The following PRKN variants were observed in gnomAD, a reference collection of about 807,000 sequenced individuals.
PRKN encodes the protein E3 ubiquitin-protein ligase parkin.
Under a neutral mutation model 59.5 loss-of-function variants are expected in PRKN, and 56 were observed. That is an observed-to-expected ratio of 0.94 (90% CI 0.76 to 1.18). The LOEUF (loss-of-function observed/expected upper bound fraction) is 1.18. Among genes scored for constraint, PRKN ranks in the 50% most tolerant of loss-of-function variants. The pLI, the probability that PRKN is intolerant of heterozygous loss-of-function variation, is 0.00. For synonymous variants in PRKN, 250 were observed against 222.1 expected, an observed-to-expected ratio of 1.13 and a Z score of -1.12; for missense variants, 657 against 596.4, an observed-to-expected ratio of 1.10 and a Z score of -1.06.
intron 6 of PRKN, among the ~76,000 whole-genome samples, chr6:161,855,945 T>C (rs1232974536): frequency 6.6e-6 from 1 of 152,208 alleles, no homozygotes; most frequent in Non-Finnish European, 1.5e-5. Context: ...AGAAAATCTA[T>C]GTATGTAGTT....
chr6:162,223,446 C>A (rs1456646770), intron 3 of PRKN, among the ~76,000 whole-genome samples: 5 of 151,850 alleles, frequency 3.3e-5, no homozygotes, highest in African/African-American at 1.2e-4. Flanking sequence ...GCAGTATAAA[C>A]TGCAGTAATT....
At chr6:161,831,775 T>C (rs1446914530) in intron 6 of PRKN, among the ~76,000 whole-genome samples, 1 of 148,180 alleles carries the variant, frequency 6.7e-6, no homozygotes, top group African/African-American at 2.6e-5. Flanking sequence ...CCAGAAAAAA[T>C]AAGAGGTTCA....
intron 7 of PRKN, among the ~76,000 whole-genome samples, chr6:161,779,932 T>C (rs372026917): frequency 6.6e-6 from 1 of 152,176 alleles, no homozygotes; most frequent in African/African-American, 2.4e-5. Context: ...AATGTCCAAA[T>C]GCATGTTTCT....
At position 162,413,554 on chromosome 6, in the gene PRKN, T is replaced by C. The variant is rs145067184; in HGVS notation, c.171+29756A>G. 2.1e-4 allele frequency among the ~76,000 whole-genome samples: 32 copies of C among 152,334 alleles called. 1 individual carries two copies. The East Asian group carries it at 5.6e-3, about 27-fold the overall frequency. The stretch of plus-strand genomic sequence containing the variant: ...AAAGTTGGTTTAGGGCCAAACATTA[T>C]CTGTATTTTCACTTTTGGATCTCTA... On this transcript the variant is annotated intron_variant, in intron 2 of 11. Coordinates refer to ENST00000366898, the MANE Select transcript of PRKN (RefSeq NM_004562.3).
chr6:162,147,773 G>C (rs1042187199), intron 4 of PRKN, among the ~76,000 whole-genome samples: 9 of 152,120 alleles, frequency 5.9e-5, no homozygotes, highest in Admixed American at 1.3e-4. Context: ...GAGATCATTT[G>C]TGAACATCTC....
intron 9 of PRKN, among the ~76,000 whole-genome samples, chr6:161,524,879 G>A (rs1322609092): frequency 6.6e-6 from 1 of 152,132 alleles, no homozygotes; most frequent in African/African-American, 2.4e-5. Context: ...GTAGGTGTAC[G>A]CAGGACGGAG....
At position 162,472,549 on chromosome 6, in the gene PRKN, G is replaced by A. The variant is rs1311122407; in HGVS notation, c.8-29076C>T. Among the ~76,000 whole-genome samples the A allele has an allele frequency of 2.5e-4, 31 of 125,190 alleles. 5 individuals carry two copies. The highest frequency in any genetic ancestry group is 7.6e-4 in the Admixed American group (9 of 11,884). The allele number at this position is 125,190 out of a possible 152,430, so 82.1% of individuals were successfully genotyped here. ...AGGCCAGACTGCGGACTGCAGTGGCGCAATCTCGGCTCACTGCAAGCTCCG... is the reference window on the plus strand; with the variant it reads ...AGGCCAGACTGCGGACTGCAGTGGCACAATCTCGGCTCACTGCAAGCTCCG... On this transcript the variant is annotated intron_variant, in intron 1 of 11. Coordinates refer to ENST00000366898, the MANE Select transcript of PRKN (RefSeq NM_004562.3).
Position 162,148,823 on chromosome 6 carries a change from G to T in PRKN, c.534+52308C>A, listed in dbSNP as rs140496428. ...ATACAAGACAAAAAGTTCAAGGATG[G>T]GTAGAAATTGAAAGGGAAAGAAAAG... On this transcript the variant is annotated intron_variant, in intron 4 of 11. Coordinates refer to ENST00000366898, the MANE Select transcript of PRKN (RefSeq NM_004562.3). 6.5e-3 allele frequency among the ~76,000 whole-genome samples: 988 copies of T among 152,212 alleles called. 8 individuals carry two copies. The highest frequency in any genetic ancestry group is 0.022 in the African/African-American group (931 of 41,518).
chr6:162,642,439 A>C (rs1777998175), intron 1 of PRKN, among the ~76,000 whole-genome samples: 1 of 152,170 alleles, frequency 6.6e-6, no homozygotes, highest in African/African-American at 2.4e-5. Context: ...TTTAATCCAA[A>C]TTTTGAAGTT....
intron 9 of PRKN, among the ~76,000 whole-genome samples, chr6:161,501,129 T>C (rs1777948333): frequency 6.6e-6 from 1 of 152,136 alleles, no homozygotes; most frequent in Admixed American, 6.6e-5. Flanking sequence ...TGCCTCAACC[T>C]CCCAAGCGCT....
At chr6:162,505,374 T>C (rs1328824081) in intron 1 of PRKN, among the ~76,000 whole-genome samples, 1 of 152,144 alleles carries the variant, frequency 6.6e-6, no homozygotes, top group East Asian at 1.9e-4. Context: ...ATAAGCATAC[T>C]AGAGCAATTT....
At position 161,356,675 on chromosome 6, in the gene PRKN, G is replaced by A. The variant is rs991230355; in HGVS notation, c.1285+3413C>T. ...AGGAAGAGCATGGAATGAAGGATGA[G>A]CTTTAGCTTAGCGGCTTGAGGAACT... is the stretch of plus-strand genomic sequence containing the variant. On this transcript the variant is annotated intron_variant, in intron 11 of 11. Transcript: ENST00000366898. This position sits in a 1 kb window ranked among gnomAD's most constrained non-coding sequence, Gnocchi z 7.8. Among the ~76,000 whole-genome samples, 1 of 152,126 alleles carries A rather than the reference G, an allele frequency of 6.6e-6. No individual in the cohort carries two copies. The highest frequency in any genetic ancestry group is 1.5e-5 in the Non-Finnish European group (1 of 68,030).
chr6:161,627,560 A>G (rs1783135603), intron 7 of PRKN, among the ~76,000 whole-genome samples: 1 of 152,194 alleles, frequency 6.6e-6, no homozygotes. Flanking sequence ...AAGACCTCCA[A>G]AGGTCTTTAT....
chr6:161,726,897 G>C (rs964229938), intron 7 of PRKN, among the ~76,000 whole-genome samples: 2 of 152,114 alleles, frequency 1.3e-5, no homozygotes, highest in Non-Finnish European at 1.5e-5. Flanking sequence ...CTAGATCTTT[G>C]TTTGGCTCTT....
chr6:161,743,357 C>T (rs149130777), intron 7 of PRKN, among the ~76,000 whole-genome samples: 2,033 of 150,344 alleles, frequency 0.014, 61 homozygotes, highest in Non-Finnish European at 0.013. Context: ...GCAGCTGGGA[C>T]TACAGGCGCC....
At position 161,350,080 on chromosome 6, in the gene PRKN, G is replaced by C. The variant is rs1368320069; in HGVS notation, c.*19C>G. The stretch of plus-strand genomic sequence containing the variant: ...TATGCTCCCCCAGGATGTGGCGATG[G>C]GGCGCCCGGCCGCCCTGGCTACACG... On this transcript the variant is annotated 3_prime_UTR_variant, in exon 12 of 12. Coordinates refer to ENST00000366898, the MANE Select transcript of PRKN (RefSeq NM_004562.3). The C allele has an allele frequency of 6.5e-6, 10 of 1,540,776 alleles. No individual in the cohort carries two copies. Among genetic ancestry groups the C allele is most frequent in the Non-Finnish European group, 8.1e-6 (9 of 1,114,934 alleles).
chr6:162,190,931 A>C (rs1199808746), intron 4 of PRKN, among the ~76,000 whole-genome samples: 3 of 152,180 alleles, frequency 2.0e-5, no homozygotes, highest in African/African-American at 7.2e-5. Context: ...CTCAGTGCTC[A>C]AACGGATAAT....
intron 2 of PRKN, among the ~76,000 whole-genome samples, chr6:162,396,451 C>T (rs1044950482): frequency 2.6e-5 from 4 of 151,994 alleles, no homozygotes; most frequent in Non-Finnish European, 4.4e-5. Flanking sequence ...GGTATCACTT[C>T]CCAGCCAGAG....
intron 1 of PRKN, among the ~76,000 whole-genome samples, chr6:162,573,761 T>C (rs1780445790): frequency 6.6e-6 from 1 of 152,216 alleles, no homozygotes; most frequent in African/African-American, 2.4e-5. Flanking sequence ...TACATTTACA[T>C]AAGTTCATTT....
Sources: allele counts gnomAD v4.1 joint callset (sites outside exome capture counted in the v4.1 genomes callset), GRCh38; gene constraint gnomAD v4.1.1; non-coding constraint Gnocchi (gnomAD v3.1); transcripts MANE v1.5; gene names NCBI Gene and HGNC (gene_info 2026-07-23, HGNC 2026-07-21).